SPON1: variants seen among roughly 807,000 people sequenced by gnomAD.
SPON1 encodes the protein spondin-1.
Under a neutral mutation model 111.7 loss-of-function variants are expected in SPON1, and 52 were observed. That is an observed-to-expected ratio of 0.47 (90% CI 0.37 to 0.59). SPON1 has a LOEUF of 0.59. SPON1 is among the 20% of genes least tolerant of loss of function. The pLI, the probability that SPON1 is intolerant of heterozygous loss-of-function variation, is 0.00. For missense variants in SPON1, 957 were observed against 1,068.5 expected (o/e 0.90, Z 1.46); for synonymous variants, 410 against 395.8 (o/e 1.04, Z -0.43).
intron 3 of SPON1, among the ~76,000 whole-genome samples, chr11:14,066,524 T>C (rs2133825593): frequency 6.6e-6 from 1 of 152,350 alleles, no homozygotes; most frequent in African/African-American, 2.4e-5. Flanking sequence ...ATTTCATTCA[T>C]ATGAGTTGAA....
intron 6 of SPON1, among the ~76,000 whole-genome samples, chr11:14,174,818 A>G (rs1848155843): frequency 6.6e-6 from 1 of 152,158 alleles, no homozygotes; most frequent in African/African-American, 2.4e-5. Flanking sequence ...CTGATTTTTA[A>G]TCATAGTGCT....
chr11:14,107,015 G>A (rs1316621431), intron 5 of SPON1, among the ~76,000 whole-genome samples: 2 of 152,162 alleles, frequency 1.3e-5, no homozygotes, highest in African/African-American at 4.8e-5. Flanking sequence ...ATTAAACTCT[G>A]TCTAACATTA....
intron 6 of SPON1, among the ~76,000 whole-genome samples, chr11:14,155,180 A>G (rs1847829489): frequency 6.6e-6 from 1 of 152,242 alleles, no homozygotes; most frequent in Non-Finnish European, 1.5e-5. Flanking sequence ...AAATTGTTCC[A>G]ACCTCTGCCC....
chr11:14,085,548 T>C (rs1206601251), intron 5 of SPON1, among the ~76,000 whole-genome samples: 5 of 152,214 alleles, frequency 3.3e-5, no homozygotes, highest in African/African-American at 7.2e-5. Flanking sequence ...TTGGTTACTG[T>C]AGGCTTGTAG....
intron 5 of SPON1, among the ~76,000 whole-genome samples, chr11:14,119,629 G>A (rs1849290352): frequency 6.6e-6 from 1 of 152,200 alleles, no homozygotes; most frequent in Non-Finnish European, 1.5e-5. Context: ...TGGATGGAGA[G>A]TCTGTGATAC....
At chr11:14,232,263 A>G (rs575329002) in intron 6 of SPON1, among the ~76,000 whole-genome samples, 2 of 151,738 alleles carry the variant, frequency 1.3e-5, no homozygotes, top group South Asian at 2.1e-4. Context: ...CACTGGACAC[A>G]CTGTGTAGCT....
chr11:14,240,589 T>TTTGTG (rs1379300016), intron 6 of SPON1, among the ~76,000 whole-genome samples: 1 of 140,252 alleles, frequency 7.1e-6, no homozygotes, highest in Non-Finnish European at 1.5e-5. Flanking sequence ...AGAAGCAATA[T>TTTGTG]TGTGTGTGTG....
intron 6 of SPON1, among the ~76,000 whole-genome samples, chr11:14,164,782 T>G (rs1401280874): frequency 6.6e-6 from 1 of 151,912 alleles, no homozygotes; most frequent in Non-Finnish European, 1.5e-5. Context: ...GATAACTTGG[T>G]GGGTGGGGGG....
intron 6 of SPON1, among the ~76,000 whole-genome samples, chr11:14,152,956 A>G (rs1847805421): frequency 6.6e-6 from 1 of 152,178 alleles, no homozygotes; most frequent in Admixed American, 6.5e-5. Context: ...TCGAGTAAAT[A>G]TATATCAAGT....
chr11:14,007,424 G>A (rs1564884489), intron 2 of SPON1, among the ~76,000 whole-genome samples: 1 of 152,120 alleles, frequency 6.6e-6, no homozygotes, highest in Non-Finnish European at 1.5e-5. Flanking sequence ...ATCCAGCATG[G>A]GAGAAAGATG....
intron 6 of SPON1, among the ~76,000 whole-genome samples, chr11:14,195,584 G>A (rs142930587): frequency 1.2e-4 from 19 of 152,312 alleles, no homozygotes; most frequent in African/African-American, 4.6e-4. Flanking sequence ...GGGCCTGGAA[G>A]CAACAGCACA....
intron 1 of SPON1, among the ~76,000 whole-genome samples, chr11:13,978,531 T>G (rs1848119957): frequency 6.6e-6 from 1 of 152,220 alleles, no homozygotes; most frequent in South Asian, 2.1e-4. Flanking sequence ...CTGATAATAA[T>G]GAGTTCATAT....
chr11:14,041,725 AAAG>A (rs1554917311), intron 3 of SPON1, 71 bp downstream of exon 3: 3 of 1,569,270 alleles, frequency 1.9e-6, no homozygotes, highest in Admixed American at 1.9e-5. Context: ...GAAAAAAAAA[AAAG>A]TTCTTTACTG....
intron 2 of SPON1, among the ~76,000 whole-genome samples, chr11:13,988,991 A>C (rs1004688858): frequency 1.3e-5 from 2 of 152,082 alleles, no homozygotes; most frequent in Non-Finnish European, 1.5e-5. Context: ...TTCATCAGAG[A>C]TATTGGCCTG....
intron 6 of SPON1, among the ~76,000 whole-genome samples, chr11:14,187,154 CTT>C (rs1848293971): frequency 6.6e-6 from 1 of 152,078 alleles, no homozygotes; most frequent in South Asian, 2.1e-4. Context: ...ATGCCAGGCT[CTT>C]TTAAACAACC....
chr11:13,986,581 C>A (rs1462224831), intron 2 of SPON1, among the ~76,000 whole-genome samples: 2 of 143,350 alleles, frequency 1.4e-5, no homozygotes, highest in African/African-American at 5.1e-5. Context: ...TCTGAATATT[C>A]TTTTTTTTTT....
At chr11:14,224,447 C>T (rs1380439905) in intron 6 of SPON1, among the ~76,000 whole-genome samples, 4 of 152,034 alleles carry the variant, frequency 2.6e-5, no homozygotes, top group African/African-American at 9.7e-5. Context: ...TTAAAAAAAA[C>T]AAAAGCTATG....
chr11:14,257,360 A>G (rs1849120784), intron 10 of SPON1, among the ~76,000 whole-genome samples: 1 of 152,248 alleles, frequency 6.6e-6, no homozygotes, highest in Non-Finnish European at 1.5e-5. Context: ...CATTGGGAAG[A>G]TGAAGCCATG....
chr11:14,097,357 AT>A lies in SPON1; in HGVS notation c.676+17342del, dbSNP rs567830594. Among the ~76,000 whole-genome samples the A allele has an allele frequency of 1.6e-4, 25 of 152,242 alleles. No homozygotes were observed. In the South Asian group the frequency reaches 5.0e-3, roughly 30 times the overall value. On this transcript the variant is annotated intron_variant, in intron 5 of 15. Transcript: ENST00000576479. ...AAAACTGAGACTTGAAGAGATTTTA[AT>A]TTTTTCTAAATGATTTTTGTTTTCT...
Sources: allele counts gnomAD v4.1 joint callset (sites outside exome capture counted in the v4.1 genomes callset), GRCh38; gene constraint gnomAD v4.1.1; transcripts MANE v1.5; gene names NCBI Gene and HGNC (gene_info 2026-07-23, HGNC 2026-07-21).